MPZ: variants seen among roughly 807,000 people sequenced by gnomAD.
MPZ encodes the protein myelin protein zero.
MPZ carries 13 observed loss-of-function variants against 27.9 expected under a neutral mutation model. The ratio of observed to expected loss-of-function variants is 0.47; its 90% CI spans 0.30 to 0.74. The LOEUF (loss-of-function observed/expected upper bound fraction) is 0.74. Among genes scored for constraint, MPZ ranks in the 30% least tolerant of loss-of-function variants. The probability of loss-of-function intolerance (pLI) is 0.06; values close to 1 mark genes in which losing one functional copy is unlikely to be tolerated. For synonymous variants in MPZ, 118 were observed against 128.9 expected, an observed-to-expected ratio of 0.92 and a Z score of 0.57; for missense variants, 256 against 317.5, an observed-to-expected ratio of 0.81 and a Z score of 1.47.
Position 161,306,448 on chromosome 1 carries a change from C to A in MPZ, c.465G>T (p.Gly155=), listed in dbSNP as rs1324977864. 1.9e-6 allele frequency: 3 copies of A among 1,614,206 alleles called. No individual in the cohort carries two copies. The change falls in exon 4 of 6, where the codon GGG becomes GGT. Residue 155 remains glycine, a synonymous_variant. Transcript: ENST00000533357. ...CCCCGATCACAGCTCCCAGAACGAC[C>A]CCGTACCTAGTTGGCACTAGGAGGG... ...YVFEKVPTRY[G]VVLGAVIGGV... is the part of the protein sequence containing the mutation.
At chr1:161,308,935 G>A (rs1169153876) in intron 1 of MPZ, among the ~76,000 whole-genome samples, 2 of 152,108 alleles carry the variant, frequency 1.3e-5, no homozygotes, top group Non-Finnish European at 1.5e-5. Flanking sequence ...AGAACCCTGG[G>A]CATTCTGGCC....
intron 1 of MPZ, among the ~76,000 whole-genome samples, chr1:161,309,552 ATT>A (rs1215409194): frequency 1.2e-5 from 1 of 80,666 alleles, no homozygotes; most frequent in Admixed American, 1.3e-4. Flanking sequence ...ATATATATAT[ATT>A]TTTTTTTTTT....
At chr1:161,306,545 T>C (rs989371716) in intron 3 of MPZ, 81 bp from the exon 4 acceptor site, 15 of 1,587,620 alleles carry the variant, frequency 9.4e-6, no homozygotes, top group Admixed American at 1.7e-5. Context: ...TGCCCTGCAT[T>C]GAGGATGTAG....
intron 1 of MPZ, 196 bp from the exon 2 acceptor site, chr1:161,307,620 T>C (rs2102260461): frequency 1.6e-6 from 1 of 612,652 alleles, no homozygotes; most frequent in Non-Finnish European, 2.9e-6. Context: ...TCAAGCTCTT[T>C]AGCATGTCTG....
Position 161,306,854 on chromosome 1 carries a change from C to CA in MPZ, c.301dup (p.Trp101LeufsTer21). On this transcript the variant is annotated frameshift_variant, in exon 3 of 6. Coordinates refer to ENST00000533357, the MANE Select transcript of MPZ (RefSeq NM_000530.8). LOFTEE classifies it high-confidence loss of function. ...ATCCTTCCAGCGAGGGTCCCCTACC[C>CA]ACTGGATGCGCTCTTTGAAGGTCCC... 2.5e-6 allele frequency: 4 copies of CA among 1,614,000 alleles called. No homozygotes were observed. The highest frequency in any genetic ancestry group is 3.4e-6 in the Non-Finnish European group (4 of 1,180,002).
chr1:161,307,799 T>C (rs1670300277), intron 1 of MPZ, among the ~76,000 whole-genome samples: 1 of 152,222 alleles, frequency 6.6e-6, no homozygotes, highest in Non-Finnish European at 1.5e-5. Context: ...AGGTAATACA[T>C]ATTGTACTCT....
chr1:161,307,687 T>G (rs1670298165), intron 1 of MPZ, among the ~76,000 whole-genome samples: 1 of 152,208 alleles, frequency 6.6e-6, no homozygotes, highest in Admixed American at 6.5e-5. Flanking sequence ...AGAGATTGGG[T>G]TCTGTCTTTA....
Position 161,306,096 on chromosome 1 carries a change from A to G in MPZ, c.645+12T>C, listed in dbSNP as rs750848798. 16 of 1,614,022 alleles carry G rather than the reference A, an allele frequency of 9.9e-6. No individual in the cohort carries two copies. Among genetic ancestry groups the G allele is most frequent in the Admixed American group, 8.3e-5 (5 of 60,002 alleles). Reference sequence around the variant, plus strand: ...TCCTTCCCATCTTGTCTAGGCCCCAAGTCCCGCTAACCTGCCGCCCGCGCT... The same window carrying G: ...TCCTTCCCATCTTGTCTAGGCCCCAGGTCCCGCTAACCTGCCGCCCGCGCT... On this transcript the variant is annotated intron_variant, in intron 5 of 5. Transcript: ENST00000533357.
At chr1:161,306,614 G>C (rs999082228) in intron 3 of MPZ, 94 bp downstream of exon 3, 4 of 1,554,508 alleles carry the variant, frequency 2.6e-6, no homozygotes, top group Non-Finnish European at 3.5e-6. Flanking sequence ...AAGGTCCTTA[G>C]GCCGGGCTTT....
chr1:161,306,617 C>T (rs1670255249), intron 3 of MPZ, 91 bp downstream of exon 3: 1 of 1,556,832 alleles, frequency 6.4e-7, no homozygotes. Context: ...GTCCTTAGGC[C>T]GGGCTTTTTG....
rs863225025 is a variant in MPZ at position 161,306,746 on chromosome 1, C to G, written c.410G>C (p.Gly137Ala). The change falls in exon 3 of 6, where the codon GGC becomes GCC. Residue 137 changes from glycine (G) to alanine (A), a missense_variant. Physicochemically the swap from Gly to Ala is moderately conservative, Grantham distance 60. Transcript: ENST00000533357. ...CDVKNPPDIV[G>A]KTSQVTLYVF... ...ATACAGCGTGACCTGAGAGGTCTTG[C>G]CCACTATGTCTGGAGGGTTTTTGAC... 6.2e-7 allele frequency: 1 copy of G among 1,614,052 alleles called. No individual in the cohort carries two copies. The highest frequency in any genetic ancestry group is 8.5e-7 in the Non-Finnish European group (1 of 1,180,030).
At chr1:161,306,666 C>G in intron 3 of MPZ, 42 bp downstream of exon 3, 1 of 1,602,692 alleles carries the variant, frequency 6.2e-7, no homozygotes, top group Admixed American at 1.7e-5. Context: ...TGATCCCCTC[C>G]CAAACTGCTT....
intron 1 of MPZ, 67 bp from the exon 2 acceptor site, chr1:161,307,491 T>A (rs934828685): frequency 6.3e-7 from 1 of 1,589,864 alleles, no homozygotes; most frequent in African/African-American, 1.3e-5. Context: ...GGAAGTGAGA[T>A]CAGTAGGAAA....
At chr1:161,306,616 C>A in intron 3 of MPZ, 92 bp downstream of exon 3, 3 of 1,557,228 alleles carry the variant, frequency 1.9e-6, no homozygotes, top group Non-Finnish European at 2.7e-6. Context: ...GGTCCTTAGG[C>A]CGGGCTTTTT....
intron 3 of MPZ, 77 bp from the exon 4 acceptor site, chr1:161,306,541 G>A: frequency 6.3e-7 from 1 of 1,588,630 alleles, no homozygotes. Context: ...TGTATGCCCT[G>A]CATTGAGGAT....
intron 1 of MPZ, among the ~76,000 whole-genome samples, chr1:161,309,015 C>G (rs1203953828): frequency 2.0e-5 from 3 of 152,294 alleles, no homozygotes; most frequent in Admixed American, 6.5e-5. Flanking sequence ...CACTAGGATT[C>G]AGGGCAGTTC....
downstream of MPZ, among the ~76,000 whole-genome samples, chr1:161,303,756 T>C (rs1318408915): frequency 6.6e-6 from 1 of 152,236 alleles, no homozygotes; most frequent in East Asian, 1.9e-4. Context: ...CTTAAGATAT[T>C]CCCAACTTTA....
downstream of MPZ, among the ~76,000 whole-genome samples, chr1:161,304,049 A>G (rs190416388): frequency 2.0e-3 from 312 of 152,308 alleles, no homozygotes; most frequent in Non-Finnish European, 2.0e-3. Flanking sequence ...TTCCACAATC[A>G]GTTCAGGATA....
chr1:161,309,906 A>AGCTGGG lies in MPZ; in HGVS notation c.-7_-2dup, dbSNP rs1670363098. ...TGGATGAGGGAGCCCCAGGAGCCAT[A>AGCTGGG]GCTGGGGCAGGGGCAGGGGCCCGGA... On this transcript the variant is annotated 5_prime_UTR_variant, in exon 1 of 6. Transcript: ENST00000533357. The AGCTGGG allele has an allele frequency of 6.3e-7, 1 of 1,585,864 alleles. No individual in the cohort carries two copies.
Sources: gnomAD v4.1 joint callset for allele counts (sites outside exome capture counted in the v4.1 genomes callset) on GRCh38, gnomAD v4.1.1 for gene constraint, MANE v1.5 for transcripts, NCBI Gene and HGNC (gene_info 2026-07-23, HGNC 2026-07-21) for gene names.